The following DCC variants were observed in gnomAD, a reference collection of about 807,000 sequenced individuals.
DCC encodes DCC netrin 1 receptor.
In DCC, 58 loss-of-function variants were observed where a neutral mutation model predicts 172.5. The observed-to-expected ratio is 0.34, with a 90% CI of 0.27 to 0.42. DCC has a LOEUF of 0.42. DCC is among the 10% of genes least tolerant of loss of function. The pLI is 1.00. For missense variants in DCC, 1,740 were observed against 1,791.0 expected, an observed-to-expected ratio of 0.97 and a Z score of 0.51; for synonymous variants, 709 against 644.5, an observed-to-expected ratio of 1.10 and a Z score of -1.52.
chr18:52,445,144 C>A (rs985622901), intron 1 of DCC, among the ~76,000 whole-genome samples: 3 of 152,106 alleles, frequency 2.0e-5, no homozygotes, highest in Non-Finnish European at 4.4e-5. Context: ...AAACAATCAA[C>A]CTGAAAACTT....
intron 1 of DCC, among the ~76,000 whole-genome samples, chr18:52,694,047 C>A (rs1039256561): frequency 6.6e-6 from 1 of 152,010 alleles, no homozygotes; most frequent in Non-Finnish European, 1.5e-5. Context: ...GATCAGTGAT[C>A]AAGGTTAACA....
intron 1 of DCC, among the ~76,000 whole-genome samples, chr18:52,700,168 GCA>G (rs1038698612): frequency 2.8e-5 from 4 of 143,936 alleles, no homozygotes; most frequent in South Asian, 2.3e-4. Context: ...ACATGCACAC[GCA>G]CACACACATG....
At chr18:53,149,056 T>C (rs1338017653) in intron 7 of DCC, among the ~76,000 whole-genome samples, 2 of 151,408 alleles carry the variant, frequency 1.3e-5, no homozygotes, top group Admixed American at 1.3e-4. Flanking sequence ...AGAGATGGGG[T>C]TTCACCATCT....
At chr18:52,848,329 T>C (rs116196697) in intron 2 of DCC, among the ~76,000 whole-genome samples, 4,072 of 152,158 alleles carry the variant, frequency 0.027, 163 homozygotes, top group African/African-American at 0.09. Context: ...CCAGGTGATT[T>C]GCCCACCTCG....
At chr18:53,354,362 C>A (rs1218394843) in intron 15 of DCC, among the ~76,000 whole-genome samples, 2 of 152,152 alleles carry the variant, frequency 1.3e-5, no homozygotes, top group East Asian at 1.9e-4. Context: ...TGGTTGAACT[C>A]ATTTACAGTC....
chr18:53,503,065 G>C (rs949176686), intron 27 of DCC, among the ~76,000 whole-genome samples: 1 of 151,874 alleles, frequency 6.6e-6, no homozygotes, highest in Non-Finnish European at 1.5e-5. Context: ...TCCCCTCCCT[G>C]TGGATTTTCA....
At chr18:53,260,455 T>G (rs2056581771) in intron 12 of DCC, among the ~76,000 whole-genome samples, 1 of 152,280 alleles carries the variant, frequency 6.6e-6, no homozygotes, top group Middle Eastern at 3.4e-3. Flanking sequence ...TGTTGGAGTT[T>G]GCTGGAGGTC....
chr18:53,438,708 G>C (rs1308844008), intron 22 of DCC, among the ~76,000 whole-genome samples: 2 of 152,126 alleles, frequency 1.3e-5, no homozygotes, highest in African/African-American at 4.8e-5. Context: ...GCCCACATTT[G>C]ACATGAGCAT....
At chr18:53,137,725 A>G (rs1055266524) in intron 7 of DCC, among the ~76,000 whole-genome samples, 7 of 152,148 alleles carry the variant, frequency 4.6e-5, no homozygotes, top group Non-Finnish European at 8.8e-5. Flanking sequence ...TTCTAATAAT[A>G]TATTTAATAA....
chr18:53,258,742 G>C (rs557298084), intron 12 of DCC, among the ~76,000 whole-genome samples: 1 of 152,144 alleles, frequency 6.6e-6, no homozygotes, highest in Non-Finnish European at 1.5e-5. Context: ...TTGGTGCAGA[G>C]CTGAGTTTAG....
intron 27 of DCC, 49 bp from the exon 28 acceptor site, chr18:53,526,568 C>T (rs2046457917): frequency 6.3e-7 from 1 of 1,588,810 alleles, no homozygotes; most frequent in Non-Finnish European, 8.6e-7. Flanking sequence ...AGAAAGTGTT[C>T]TGCAGAATGT....
intron 7 of DCC, among the ~76,000 whole-genome samples, chr18:53,146,399 G>T (rs2043915852): frequency 6.6e-6 from 1 of 152,200 alleles, no homozygotes; most frequent in Non-Finnish European, 1.5e-5. Context: ...CCTCTATGGA[G>T]CAGGAAGTTG....
At position 53,047,492 on chromosome 18, in the gene DCC, T is replaced by A. The variant is rs1378125225; in HGVS notation, c.986-15813T>A. 1.6e-3 allele frequency among the ~76,000 whole-genome samples: 130 copies of A among 82,644 alleles called. 4 individuals carry two copies. The highest frequency in any genetic ancestry group is 2.6e-3 in the African/African-American group (52 of 19,662). 54.2% of individuals were successfully genotyped at this position (82,644 alleles called of 152,430 possible). A position where few individuals can be genotyped will look rare whatever the true frequency, so the allele number is the denominator to read the frequency against. On this transcript the variant is annotated intron_variant, in intron 5 of 28. Coordinates refer to ENST00000442544, the MANE Select transcript of DCC (RefSeq NM_005215.4). The stretch of plus-strand genomic sequence containing the variant: ...TTTTTGCTATTGAGGAATCTTTTTT[T>A]TATTAAACTGAGAAGTCATATATAC...
At chr18:52,468,009 C>G (rs375764085) in intron 1 of DCC, among the ~76,000 whole-genome samples, 7 of 152,196 alleles carry the variant, frequency 4.6e-5, no homozygotes, top group African/African-American at 1.7e-4. Context: ...ATGATGAGCC[C>G]TATTACTCTG....
chr18:53,051,030 G>T (rs1021133689), intron 5 of DCC, among the ~76,000 whole-genome samples: 6 of 152,058 alleles, frequency 3.9e-5, no homozygotes, highest in African/African-American at 1.4e-4. Flanking sequence ...AGAAGTTCAA[G>T]ACAAACTTGT....
At chr18:52,589,273 G>T (rs1465945761) in intron 1 of DCC, among the ~76,000 whole-genome samples, 1 of 152,172 alleles carries the variant, frequency 6.6e-6, no homozygotes, top group African/African-American at 2.4e-5. Context: ...ATAGTCTACA[G>T]ATACTTTTTA....
intron 9 of DCC, among the ~76,000 whole-genome samples, chr18:53,181,820 T>C (rs1013883091): frequency 2.0e-5 from 3 of 152,160 alleles, no homozygotes; most frequent in Admixed American, 6.6e-5. Context: ...GTAGGGGAAC[T>C]TATAAGAAGT....
chr18:52,753,379 TA>T (rs982206856), intron 2 of DCC, among the ~76,000 whole-genome samples: 5 of 152,226 alleles, frequency 3.3e-5, no homozygotes, highest in African/African-American at 1.2e-4. Context: ...GTTATGAGAT[TA>T]TTTTTTTAAA....
chr18:52,650,391 G>C (rs1311861721), intron 1 of DCC, among the ~76,000 whole-genome samples: 1 of 152,042 alleles, frequency 6.6e-6, no homozygotes, highest in Non-Finnish European at 1.5e-5. Flanking sequence ...TTACTTAATG[G>C]GTACAATGTA....
Sources: allele counts gnomAD v4.1 joint callset (sites outside exome capture counted in the v4.1 genomes callset), GRCh38; gene constraint gnomAD v4.1.1; transcripts MANE v1.5; gene names NCBI Gene and HGNC (gene_info 2026-07-23, HGNC 2026-07-21).